Variants in ABLIM1 observed in about 807,000 individuals in gnomAD.
ABLIM1 encodes actin-binding LIM protein 1.
A neutral mutation model predicts 107.0 loss-of-function variants in ABLIM1; 40 were observed. The observed-to-expected ratio is 0.37, with a 90% CI of 0.29 to 0.49. The LOEUF is 0.49. Ranked by LOEUF, ABLIM1 falls within the 20% of genes least tolerant of loss-of-function variation. The pLI is 0.97. For synonymous variants in ABLIM1, 357 were observed against 357.3 expected, an observed-to-expected ratio of 1.00 and a Z score of 0.01; for missense variants, 857 against 1,008.5, an observed-to-expected ratio of 0.85 and a Z score of 2.04.
chr10:114,559,933 A>G (rs1241186347), intron 4 of ABLIM1, among the ~76,000 whole-genome samples: 2 of 152,220 alleles, frequency 1.3e-5, no homozygotes, highest in African/African-American at 4.8e-5. Context: ...TAAGAGTGGG[A>G]GAGAAAGCAA....
upstream of ABLIM1, among the ~76,000 whole-genome samples, chr10:114,662,133 T>C (rs1160116450): frequency 6.6e-6 from 1 of 152,172 alleles, no homozygotes; most frequent in African/African-American, 2.4e-5. Flanking sequence ...AGAGAGCAAA[T>C]TGCCACCTTA....
rs150559622 is a variant in ABLIM1 at position 114,629,167 on chromosome 10, C to T, written c.245-27206G>A. ...CACACTAGTGGAGGCAACCAGCCAG[C>T]GTGCTTTCTCTCCTGCCCATGTCAG... On this transcript the variant is annotated intron_variant, in intron 1 of 22. Coordinates refer to ENST00000533213, the MANE Select transcript of ABLIM1 (RefSeq NM_002313.7). This position sits in a 1 kb window ranked among gnomAD's most constrained non-coding sequence, Gnocchi z 4.0. Among the ~76,000 whole-genome samples the T allele has an allele frequency of 1.3e-4, 20 of 152,310 alleles. No individual in the cohort carries two copies. The East Asian group carries it at 3.3e-3, about 25-fold the overall frequency.
At position 114,601,888 on chromosome 10, in the gene ABLIM1, G is replaced by A; in HGVS notation, c.318C>T (p.Cys106=). ...TCTGGACCCGAAGCACTTCACCCTT[G>A]CAAGGCTCCCCACATTTATGGCAGT... ...VIHCHKCGEP[C]KGEVLRVQTK... The change falls in exon 2 of 23, where the codon TGC becomes TGT. Residue 106 remains cysteine, a synonymous_variant. Transcript: ENST00000533213. 2 of 1,614,186 alleles carry A rather than the reference G, an allele frequency of 1.2e-6. No homozygotes were observed. Among genetic ancestry groups the A allele is most frequent in the Non-Finnish European group, 1.7e-6 (2 of 1,180,024 alleles).
chr10:114,651,792 T>C (rs934231621), intron 1 of ABLIM1, among the ~76,000 whole-genome samples: 1 of 152,170 alleles, frequency 6.6e-6, no homozygotes, highest in Non-Finnish European at 1.5e-5. Flanking sequence ...CCACCACCTA[T>C]CATCTCCATC....
chr10:114,644,306 A>AAAAAT (rs1408072252), intron 1 of ABLIM1, among the ~76,000 whole-genome samples: 77 of 52,240 alleles, frequency 1.5e-3, no homozygotes, highest in South Asian at 2.9e-3. Flanking sequence ...AAAAAAAAAA[A>AAAAAT]ATATATATAT....
At chr10:114,650,289 T>A (rs1591733914) in intron 1 of ABLIM1, among the ~76,000 whole-genome samples, 1 of 152,312 alleles carries the variant, frequency 6.6e-6, no homozygotes, top group Non-Finnish European at 1.5e-5. Context: ...CCAGAATCAT[T>A]AGGATCAAAG....
chr10:114,474,620 T>A (rs367609837), intron 8 of ABLIM1, among the ~76,000 whole-genome samples: 1 of 152,152 alleles, frequency 6.6e-6, no homozygotes, highest in Non-Finnish European at 1.5e-5. Context: ...GACCTCGTGA[T>A]CTGCCCGCCT....
chr10:114,485,067 G>T (rs1388493904), intron 8 of ABLIM1, among the ~76,000 whole-genome samples: 2 of 152,272 alleles, frequency 1.3e-5, no homozygotes, highest in Non-Finnish European at 2.9e-5. Flanking sequence ...GATAGCTTCT[G>T]ATGTGCTTGC....
chr10:114,478,107 T>A (rs1464527901), intron 8 of ABLIM1, among the ~76,000 whole-genome samples: 1 of 152,218 alleles, frequency 6.6e-6, no homozygotes, highest in African/African-American at 2.4e-5. Context: ...ATTTACACTA[T>A]TAATACTGTT....
intron 1 of ABLIM1, among the ~76,000 whole-genome samples, chr10:114,754,062 G>A (rs777678366): frequency 1.2e-4 from 19 of 152,142 alleles, no homozygotes; most frequent in Admixed American, 3.9e-4. Flanking sequence ...CCGTTGGCCA[G>A]GCTGGTCTCA....
At chr10:114,580,099 T>C (rs1324647526) in intron 2 of ABLIM1, among the ~76,000 whole-genome samples, 2 of 151,836 alleles carry the variant, frequency 1.3e-5, no homozygotes, top group African/African-American at 2.4e-5. Flanking sequence ...TATCATCGTG[T>C]TGAACCATGA....
intron 10 of ABLIM1, among the ~76,000 whole-genome samples, chr10:114,472,500 T>C (rs879607688): frequency 6.6e-6 from 1 of 152,176 alleles, no homozygotes; most frequent in Non-Finnish European, 1.5e-5. Flanking sequence ...TGGCTCACAC[T>C]CCTGTGCTAG....
chr10:114,743,694 G>A (rs1203168693), intron 1 of ABLIM1, among the ~76,000 whole-genome samples: 1 of 152,196 alleles, frequency 6.6e-6, no homozygotes, highest in African/African-American at 2.4e-5. Context: ...CCTCAAAGTT[G>A]TGTTAAAGAT....
chr10:114,477,827 C>A, intron 8 of ABLIM1, among the ~76,000 whole-genome samples: 1 of 152,118 alleles, frequency 6.6e-6, no homozygotes, highest in Non-Finnish European at 1.5e-5. Flanking sequence ...CAGGTTCAAG[C>A]GATTCTACTG....
intron 1 of ABLIM1, among the ~76,000 whole-genome samples, chr10:114,714,138 C>G (rs971529633): frequency 2.6e-5 from 4 of 152,214 alleles, no homozygotes; most frequent in African/African-American, 4.8e-5. Flanking sequence ...GTTGTTTAGC[C>G]TGGAATTGAA....
intron 1 of ABLIM1, among the ~76,000 whole-genome samples, chr10:114,705,277 T>C (rs555459886): frequency 1.3e-5 from 2 of 152,306 alleles, no homozygotes; most frequent in African/African-American, 4.8e-5. Context: ...AGGCATATTT[T>C]AAAGCAGTTA....
the ABLIM1 span, among the ~76,000 whole-genome samples, chr10:114,789,126 G>A: frequency 2.6e-5 from 4 of 151,880 alleles, no homozygotes; most frequent in Non-Finnish European, 4.4e-5. Flanking sequence ...GTGATGGCAC[G>A]TGCCTGTAGT....
At chr10:114,735,887 T>C (rs2082169321) in intron 1 of ABLIM1, among the ~76,000 whole-genome samples, 1 of 152,212 alleles carries the variant, frequency 6.6e-6, no homozygotes, top group African/African-American at 2.4e-5. Context: ...TATTACAACA[T>C]AGCATGTGTG....
rs922761691 is a variant in ABLIM1, at chr10:114,524,581, AAAC to A, written c.894+20421_894+20423del. Reference sequence around the variant, plus strand: ...CTAAAAACCCACATTACAAACAAACAAACAACAACAACAACAAAAAACTCTATA... The same window carrying A: ...CTAAAAACCCACATTACAAACAAACAAACAACAACAACAAAAAACTCTATA... On this transcript the variant is annotated intron_variant, in intron 6 of 22. Transcript: ENST00000533213. 3.9e-5 allele frequency among the ~76,000 whole-genome samples: 6 copies of A among 152,124 alleles called. No individual in the cohort carries two copies. In the East Asian group the frequency reaches 7.7e-4, roughly 20 times the overall value.
Sources: gnomAD v4.1 joint callset for allele counts (sites outside exome capture counted in the v4.1 genomes callset) on GRCh38, gnomAD v4.1.1 for gene constraint, Gnocchi (gnomAD v3.1) non-coding constraint, MANE v1.5 for transcripts, NCBI Gene and HGNC (gene_info 2026-07-23, HGNC 2026-07-21) for gene names.